The following OR2C1 variants were observed in gnomAD, a reference collection of about 807,000 sequenced individuals.
The protein encoded by OR2C1 is olfactory receptor 2C1.
For missense variants in OR2C1, 468 were observed against 388.3 expected (o/e 1.21, Z -1.73); for synonymous variants, 209 against 167.3 (o/e 1.25, Z -1.92).
At chr16:3,349,386 G>A in the OR2C1 span, among the ~76,000 whole-genome samples, 1 of 152,008 alleles carries the variant, frequency 6.6e-6, no homozygotes, top group African/African-American at 2.4e-5. Context: ...GCGCTGCAGA[G>A]CCAGCCACAG....
At chr16:3,330,910 T>C in the OR2C1 span, among the ~76,000 whole-genome samples, 1 of 146,770 alleles carries the variant, frequency 6.8e-6, no homozygotes, top group African/African-American at 2.5e-5. Context: ...CCCAGCTAAT[T>C]TGTAATTAAA....
At chr16:3,331,481 G>A in the OR2C1 span, among the ~76,000 whole-genome samples, 6 of 151,024 alleles carry the variant, frequency 4.0e-5, no homozygotes, top group Non-Finnish European at 8.8e-5. Flanking sequence ...GTCCTGAATG[G>A]TAATGCCTAG....
chr16:3,326,180 C>T, the OR2C1 span, among the ~76,000 whole-genome samples: 1 of 152,046 alleles, frequency 6.6e-6, no homozygotes, highest in Middle Eastern at 3.4e-3. Context: ...TGGCCCGCCT[C>T]GCCCTCCCAA....
chr16:3,329,568 G>T, the OR2C1 span, among the ~76,000 whole-genome samples: 7 of 151,192 alleles, frequency 4.6e-5, no homozygotes, highest in Non-Finnish European at 7.4e-5. Context: ...TCCTGCCTCA[G>T]CCTCCTGAGT....
At chr16:3,333,210 CATTTTTTTTTTTTTTT>C in the OR2C1 span, among the ~76,000 whole-genome samples, 2 of 33,030 alleles carry the variant, frequency 6.1e-5, no homozygotes, top group East Asian at 6.3e-4. Context: ...ATCTTTTGCC[CATTTTTTTTTTTTTTT>C]TTTTTTTTTT....
chr16:3,341,683 G>A, the OR2C1 span, among the ~76,000 whole-genome samples: 1 of 152,158 alleles, frequency 6.6e-6, no homozygotes, highest in Admixed American at 6.6e-5. Context: ...AGGTATATAG[G>A]GTAAGGTCTG....
the OR2C1 span, among the ~76,000 whole-genome samples, chr16:3,338,538 C>CTTTTTTTTTTTTTTTTTTTT: frequency 9.7e-6 from 1 of 103,288 alleles, no homozygotes. Flanking sequence ...GTATAGGTAC[C>CTTTTTTTTTTTTTTTTTTTT]TTTTTTTTTT....
chr16:3,327,126 A>G, the OR2C1 span, among the ~76,000 whole-genome samples: 2 of 152,142 alleles, frequency 1.3e-5, no homozygotes, highest in African/African-American at 4.8e-5. Flanking sequence ...GGTTTTTCTT[A>G]TGGAAGTTAT....
At chr16:3,330,135 C>T in the OR2C1 span, among the ~76,000 whole-genome samples, 1 of 151,880 alleles carries the variant, frequency 6.6e-6, no homozygotes, top group Admixed American at 6.6e-5. Context: ...GAGATGGTGT[C>T]TCGCTCTGTT....
chr16:3,323,679 C>T, the OR2C1 span: 1 of 685,586 alleles, frequency 1.5e-6, no homozygotes, highest in African/African-American at 1.8e-5. Context: ...GAATGTTTAT[C>T]TGGCAATTCC....
chr16:3,333,230 T>C, the OR2C1 span, among the ~76,000 whole-genome samples: 1 of 121,572 alleles, frequency 8.2e-6, no homozygotes, highest in Admixed American at 8.1e-5. Flanking sequence ...TTTTTTTTTT[T>C]TTTTTTTTTT....
the OR2C1 span, among the ~76,000 whole-genome samples, chr16:3,340,340 G>A: frequency 6.6e-6 from 1 of 152,122 alleles, no homozygotes; most frequent in African/African-American, 2.4e-5. Flanking sequence ...TTGAGTTGTA[G>A]TCTTTTATAT....
At chr16:3,351,226 C>T (rs75699733), upstream of OR2C1, among the ~76,000 whole-genome samples, 3,130 of 12,830 alleles carry the variant, frequency 0.24, 236 homozygotes, top group African/African-American at 0.47. Flanking sequence ...TTTTCTTTTT[C>T]TTTTTTTTTT....
chr16:3,325,463 ATATATATATAT>A, the OR2C1 span, among the ~76,000 whole-genome samples: 377 of 79,334 alleles, frequency 4.8e-3, 6 homozygotes, highest in African/African-American at 0.012. Context: ...GTCTAAAAAT[ATATATATATAT>A]ATATATATAT....
At chr16:3,327,182 CA>C in the OR2C1 span, among the ~76,000 whole-genome samples, 41 of 152,216 alleles carry the variant, frequency 2.7e-4, no homozygotes, top group East Asian at 7.7e-3. Context: ...TGAACCCCCT[CA>C]AGGCCTTAAA....
chr16:3,339,567 C>G, the OR2C1 span, among the ~76,000 whole-genome samples: 8 of 152,272 alleles, frequency 5.3e-5, no homozygotes, highest in East Asian at 3.9e-4. Context: ...CGACATTCTC[C>G]TACCTCAGCC....
the OR2C1 span, among the ~76,000 whole-genome samples, chr16:3,326,371 C>G: frequency 2.6e-5 from 4 of 152,132 alleles, no homozygotes; most frequent in African/African-American, 9.6e-5. Context: ...CCATTCCCAT[C>G]CACACCAGAC....
At chr16:3,333,346 A>G in the OR2C1 span, among the ~76,000 whole-genome samples, 1 of 148,366 alleles carries the variant, frequency 6.7e-6, no homozygotes, top group East Asian at 2.0e-4. Flanking sequence ...ATTTTAGTTT[A>G]GTTTATTTGA....
In OR2C1 at chr16:3,356,899, T is replaced by G. The variant is rs2030691007; in HGVS notation, c.*20T>G. 1 of 1,513,968 alleles carries G rather than the reference T, an allele frequency of 6.6e-7. No individual in the cohort carries two copies. The highest frequency in any genetic ancestry group is 2.4e-5 in the East Asian group (1 of 42,170). 93.8% of individuals were successfully genotyped at this position (1,513,968 alleles called of 1,614,324 possible). A position where few individuals can be genotyped will look rare whatever the true frequency, so the allele number is the denominator to read the frequency against. ...GGCTGAGAGAACACTCCTTCGTTAT[T>G]TATTGCGTCTTCATCTCTACATGCG... On this transcript the variant is annotated 3_prime_UTR_variant, in exon 1 of 1. Transcript: ENST00000304936.
Sources: allele counts gnomAD v4.1 joint callset (sites outside exome capture counted in the v4.1 genomes callset), GRCh38; gene constraint gnomAD v4.1.1; transcripts MANE v1.5; gene names NCBI Gene and HGNC (gene_info 2026-07-23, HGNC 2026-07-21).